Variants in NXPH2 observed in about 807,000 individuals in gnomAD.
The protein encoded by NXPH2 is neurexophilin 2, also known as neurexophilin-2.
Under a neutral mutation model 19.8 loss-of-function variants are expected in NXPH2, and 5 were observed. That is an observed-to-expected ratio of 0.25 (90% CI 0.13 to 0.53). The LOEUF is 0.53. Among genes scored for constraint, NXPH2 ranks in the 20% least tolerant of loss-of-function variants. NXPH2 has a pLI of 0.96. For missense variants in NXPH2, 289 were observed against 322.8 expected, an observed-to-expected ratio of 0.90 and a Z score of 0.80; for synonymous variants, 154 against 127.4, an observed-to-expected ratio of 1.21 and a Z score of -1.41.
chr2:138,747,052 G>T (rs78663971), intron 1 of NXPH2, among the ~76,000 whole-genome samples: 6,128 of 151,990 alleles, frequency 0.04, 142 homozygotes, highest in Middle Eastern at 0.085. Context: ...CCCACCTAAG[G>T]TTAAATACTC....
chr2:138,745,500 G>GT (rs1412669873), intron 1 of NXPH2, among the ~76,000 whole-genome samples: 2 of 148,350 alleles, frequency 1.3e-5, no homozygotes, highest in Middle Eastern at 3.2e-3. Context: ...TGGCGGGGGG[G>GT]GGGGGGTGTT....
At chr2:138,681,275 G>A (rs574422852) in intron 1 of NXPH2, among the ~76,000 whole-genome samples, 1 of 152,304 alleles carries the variant, frequency 6.6e-6, no homozygotes, top group East Asian at 1.9e-4. Flanking sequence ...GAAAATAAAT[G>A]TAGGTAACAC....
At chr2:138,717,223 A>G (rs1029299771) in intron 1 of NXPH2, among the ~76,000 whole-genome samples, 1 of 152,150 alleles carries the variant, frequency 6.6e-6, no homozygotes, top group African/African-American at 2.4e-5. Context: ...GAATGTACAT[A>G]ATCATACACC....
At chr2:138,749,392 T>A (rs867150461) in intron 1 of NXPH2, among the ~76,000 whole-genome samples, 1 of 152,192 alleles carries the variant, frequency 6.6e-6, no homozygotes, top group South Asian at 2.1e-4. Flanking sequence ...AAAGTTATTA[T>A]TAATGATAAT....
intron 1 of NXPH2, among the ~76,000 whole-genome samples, chr2:138,715,028 A>T (rs1158496748): frequency 6.6e-6 from 1 of 152,178 alleles, no homozygotes; most frequent in Non-Finnish European, 1.5e-5. Flanking sequence ...ATTTGAAGCA[A>T]AATATGGGTT....
chr2:138,699,743 T>G (rs1342350889), intron 1 of NXPH2, among the ~76,000 whole-genome samples: 1 of 152,182 alleles, frequency 6.6e-6, no homozygotes, highest in Non-Finnish European at 1.5e-5. Context: ...GTGAGAACTT[T>G]CCTATTTGAT....
intron 1 of NXPH2, among the ~76,000 whole-genome samples, chr2:138,694,334 T>C (rs1680795536): frequency 6.6e-6 from 1 of 152,220 alleles, no homozygotes; most frequent in Admixed American, 6.5e-5. Context: ...CGTGACCTTA[T>C]TTGGAAACAG....
At chr2:138,775,772 C>T (rs16841182) in intron 1 of NXPH2, among the ~76,000 whole-genome samples, 2,615 of 152,114 alleles carry the variant, frequency 0.017, 79 homozygotes, top group African/African-American at 0.059. Context: ...AGACAGTAAC[C>T]TCATATGGGG....
intron 1 of NXPH2, among the ~76,000 whole-genome samples, chr2:138,776,577 T>TGAGGAGTTG: frequency 6.6e-6 from 1 of 151,616 alleles, no homozygotes; most frequent in East Asian, 1.9e-4. Flanking sequence ...TTCATTTTAA[T>TGAGGAGTTG]GCACGGCCAA....
chr2:138,749,374 C>T (rs563808074), intron 1 of NXPH2, among the ~76,000 whole-genome samples: 6 of 152,066 alleles, frequency 3.9e-5, no homozygotes, highest in Non-Finnish European at 8.8e-5. Context: ...TGGACCAACA[C>T]AACTAGTAAA....
At chr2:138,745,582 G>GA (rs1681715413) in intron 1 of NXPH2, among the ~76,000 whole-genome samples, 1 of 150,696 alleles carries the variant, frequency 6.6e-6, no homozygotes, top group African/African-American at 2.5e-5. Context: ...TCTAATAACA[G>GA]AAAAATAGAG....
chr2:138,701,357 G>A (rs72860172), intron 1 of NXPH2, among the ~76,000 whole-genome samples: 12,787 of 152,116 alleles, frequency 0.084, 794 homozygotes, highest in Non-Finnish European at 0.11. Flanking sequence ...AAATCAAAAA[G>A]CAAACAGAAA....
At chr2:138,779,109 C>CGA (rs1232123168) in intron 1 of NXPH2, among the ~76,000 whole-genome samples, 3 of 152,022 alleles carry the variant, frequency 2.0e-5, no homozygotes, top group East Asian at 1.9e-4. Flanking sequence ...ACAAAGAGAA[C>CGA]GAGAGAGAGA....
At chr2:138,673,210 G>T (rs1490830894) in intron 1 of NXPH2, among the ~76,000 whole-genome samples, 1 of 151,992 alleles carries the variant, frequency 6.6e-6, no homozygotes, top group East Asian at 1.9e-4. Context: ...AATCCATATG[G>T]CCTCTTCTTA....
intron 1 of NXPH2, among the ~76,000 whole-genome samples, chr2:138,759,787 TA>T (rs1681978910): frequency 6.8e-6 from 1 of 147,956 alleles, no homozygotes; most frequent in Non-Finnish European, 1.5e-5. Context: ...TGGAGTGCAG[TA>T]GCGCAATCTC....
At chr2:138,691,905 G>A (rs1680752435) in intron 1 of NXPH2, among the ~76,000 whole-genome samples, 1 of 152,150 alleles carries the variant, frequency 6.6e-6, no homozygotes, top group Admixed American at 6.5e-5. Flanking sequence ...CCTATCCAAA[G>A]TTCAGACCCA....
chr2:138,744,612 C>G lies in NXPH2; in HGVS notation c.51+35579G>C, dbSNP rs117954179. ...TCTGCTATTTAATCTACTATCTTCC[C>G]TATGTCTCCCTCCTCCAGGTGCTCC... On this transcript the variant is annotated intron_variant, in intron 1 of 1. Coordinates refer to ENST00000272641, the MANE Select transcript of NXPH2 (RefSeq NM_007226.3). Among the ~76,000 whole-genome samples, 720 of 152,268 alleles carry G rather than the reference C, an allele frequency of 4.7e-3. 20 individuals are homozygous for G. In the East Asian group the frequency reaches 0.058, roughly 12 times the overall value.
chr2:138,720,594 G>C (rs1681264961), intron 1 of NXPH2, among the ~76,000 whole-genome samples: 1 of 152,252 alleles, frequency 6.6e-6, no homozygotes. Context: ...GCTACAAAGA[G>C]AGAGAAAAGG....
At chr2:138,772,694 T>C (rs1573985656) in intron 1 of NXPH2, among the ~76,000 whole-genome samples, 1 of 152,220 alleles carries the variant, frequency 6.6e-6, no homozygotes, top group Non-Finnish European at 1.5e-5. Flanking sequence ...AAAGCTAAGA[T>C]GAATGAATTA....
Sources: gnomAD v4.1 joint callset for allele counts (sites outside exome capture counted in the v4.1 genomes callset) on GRCh38, gnomAD v4.1.1 for gene constraint, MANE v1.5 for transcripts, NCBI Gene and HGNC (gene_info 2026-07-23, HGNC 2026-07-21) for gene names.